Variants in NRXN1 observed in about 807,000 individuals in gnomAD.
NRXN1 encodes neurexin-1.
A neutral mutation model predicts 150.9 loss-of-function variants in NRXN1; 39 were observed. The ratio of observed to expected loss-of-function variants is 0.26; its 90% confidence interval spans 0.20 to 0.34. The LOEUF is 0.34. Ranked by LOEUF, NRXN1 falls within the 10% of genes least tolerant of loss-of-function variation. The probability of loss-of-function intolerance (pLI) is 1.00; values close to 1 mark genes in which losing one functional copy is unlikely to be tolerated. For missense variants in NRXN1, 1,815 were observed against 1,949.9 expected, an observed-to-expected ratio of 0.93 and a Z score of 1.30; for synonymous variants, 924 against 757.0, an observed-to-expected ratio of 1.22 and a Z score of -3.62.
intron 5 of NRXN1, among the ~76,000 whole-genome samples, chr2:50,826,452 T>C (rs927004293): frequency 6.6e-5 from 10 of 152,170 alleles, no homozygotes; most frequent in African/African-American, 2.4e-4. Flanking sequence ...ATTTAGACAT[T>C]AGATGAAAAG....
chr2:50,851,332 C>T (rs1257148795), intron 5 of NRXN1, among the ~76,000 whole-genome samples: 3 of 152,028 alleles, frequency 2.0e-5, no homozygotes, highest in African/African-American at 7.2e-5. Flanking sequence ...TGAGGTGATT[C>T]GAGTTTCTCA....
chr2:50,087,321 CTT>C (rs1483242745), intron 19 of NRXN1, among the ~76,000 whole-genome samples: 1 of 151,992 alleles, frequency 6.6e-6, no homozygotes, highest in African/African-American at 2.4e-5. Context: ...AATATGTTAA[CTT>C]GAGTATAAAA....
At chr2:50,086,774 G>A (rs73932919) in intron 19 of NRXN1, among the ~76,000 whole-genome samples, 5,567 of 151,208 alleles carry the variant, frequency 0.037, 354 homozygotes, top group African/African-American at 0.13. Flanking sequence ...TTAGAACATT[G>A]AATAATTGCT....
At chr2:49,933,529 A>T (rs935907309) in intron 22 of NRXN1, among the ~76,000 whole-genome samples, 4 of 152,308 alleles carry the variant, frequency 2.6e-5, no homozygotes, top group African/African-American at 7.2e-5. Context: ...GGTAAAAAGA[A>T]TATCGAATTA....
intron 2 of NRXN1, among the ~76,000 whole-genome samples, chr2:50,976,265 G>A (rs1695821866): frequency 6.6e-6 from 1 of 150,662 alleles, no homozygotes; most frequent in African/African-American, 2.4e-5. Context: ...ACTAAGTGGG[G>A]ATTCTTTCTT....
chr2:50,418,432 C>T (rs932274637), intron 17 of NRXN1, among the ~76,000 whole-genome samples: 1 of 152,074 alleles, frequency 6.6e-6, no homozygotes, highest in African/African-American at 2.4e-5. Flanking sequence ...ATGTGTATTA[C>T]AGATCTAACA....
At chr2:50,559,017 C>T (rs1668661592) in intron 8 of NRXN1, among the ~76,000 whole-genome samples, 1 of 152,018 alleles carries the variant, frequency 6.6e-6, no homozygotes, top group Non-Finnish European at 1.5e-5. Context: ...GGGAGGCAGA[C>T]CTTGCAGTGA....
At chr2:50,419,972 C>A (rs1319098044) in intron 17 of NRXN1, among the ~76,000 whole-genome samples, 1 of 152,024 alleles carries the variant, frequency 6.6e-6, no homozygotes, top group East Asian at 1.9e-4. Flanking sequence ...AACACGTGAT[C>A]TGGCCAGCCT....
intron 21 of NRXN1, among the ~76,000 whole-genome samples, chr2:50,036,209 C>G (rs1178286715): frequency 6.6e-6 from 1 of 152,094 alleles, no homozygotes; most frequent in African/African-American, 2.4e-5. Flanking sequence ...CCATCTTGTT[C>G]TCATGATATT....
intron 8 of NRXN1, among the ~76,000 whole-genome samples, chr2:50,562,856 T>C (rs1264141823): frequency 6.6e-6 from 1 of 152,144 alleles, no homozygotes; most frequent in African/African-American, 2.4e-5. Context: ...TCTAGTTCCA[T>C]GTCACCTAAC....
intron 19 of NRXN1, among the ~76,000 whole-genome samples, chr2:50,088,164 G>A (rs10490243): frequency 0.24 from 37,032 of 151,920 alleles, 4,925 homozygotes; most frequent in Admixed American, 0.38. Flanking sequence ...CTTTGCTACT[G>A]AACTCGTATT....
intron 5 of NRXN1, among the ~76,000 whole-genome samples, chr2:50,880,347 A>G (rs1339354835): frequency 2.0e-5 from 3 of 151,988 alleles, no homozygotes; most frequent in Non-Finnish European, 4.4e-5. Flanking sequence ...GGCCAAGACA[A>G]TGTTACATTT....
chr2:50,296,901 G>C (rs562778170), intron 17 of NRXN1, among the ~76,000 whole-genome samples: 1 of 74,392 alleles, frequency 1.3e-5, no homozygotes, highest in Admixed American at 1.5e-4. Context: ...TTTTTTTTTT[G>C]AGATGGAGTC....
chr2:50,692,999 G>A (rs186856898), intron 5 of NRXN1, among the ~76,000 whole-genome samples: 8 of 152,280 alleles, frequency 5.3e-5, no homozygotes, highest in African/African-American at 1.9e-4. Flanking sequence ...ATCAGTTACT[G>A]TGTCAATGTT....
intron 5 of NRXN1, among the ~76,000 whole-genome samples, chr2:50,827,205 A>G (rs1337481230): frequency 6.6e-6 from 1 of 152,252 alleles, no homozygotes; most frequent in Non-Finnish European, 1.5e-5. Flanking sequence ...GTCGATGCGT[A>G]TGATACAATG....
At chr2:50,126,591 C>A (rs1458887909) in intron 18 of NRXN1, among the ~76,000 whole-genome samples, 1 of 152,042 alleles carries the variant, frequency 6.6e-6, no homozygotes, top group Non-Finnish European at 1.5e-5. Flanking sequence ...TTTATTATTA[C>A]ACATTCATTC....
At chr2:50,310,293 T>C (rs1451878896) in intron 17 of NRXN1, among the ~76,000 whole-genome samples, 5 of 152,178 alleles carry the variant, frequency 3.3e-5, no homozygotes, top group Non-Finnish European at 7.3e-5. Context: ...TAACAGGAAA[T>C]CCTAGGTCCT....
chr2:50,109,778 G>A (rs1340919633), intron 18 of NRXN1, among the ~76,000 whole-genome samples: 1 of 152,064 alleles, frequency 6.6e-6, no homozygotes, highest in Non-Finnish European at 1.5e-5. Context: ...ACTATATTTA[G>A]ATAGTATAAA....
At chr2:51,022,012 T>C (rs1440076920) in intron 2 of NRXN1, among the ~76,000 whole-genome samples, 1 of 152,078 alleles carries the variant, frequency 6.6e-6, no homozygotes, top group African/African-American at 2.4e-5. Flanking sequence ...CACAGCTGCA[T>C]GCAACAGAAA....
Sources: allele counts gnomAD v4.1 joint callset (sites outside exome capture counted in the v4.1 genomes callset), GRCh38; gene constraint gnomAD v4.1.1; transcripts MANE v1.5; gene names NCBI Gene and HGNC (gene_info 2026-07-23, HGNC 2026-07-21).